TNRC18: variants seen among roughly 807,000 people sequenced by gnomAD.
The protein encoded by TNRC18 is trinucleotide repeat containing 18, also known as trinucleotide repeat-containing gene 18 protein.
Under a neutral mutation model 226.7 loss-of-function variants are expected in TNRC18, and 69 were observed. The observed-to-expected ratio is 0.30, with a 90% CI of 0.25 to 0.37. The LOEUF (loss-of-function observed/expected upper bound fraction) is 0.37. TNRC18 is among the 10% of genes least tolerant of loss of function. The pLI, the probability that TNRC18 is intolerant of heterozygous loss-of-function variation, is 1.00. For synonymous variants in TNRC18, 2,449 were observed against 1,927.6 expected (o/e 1.27, Z -7.09); for missense variants, 4,754 against 4,256.6 (o/e 1.12, Z -3.25).
intron 17 of TNRC18, 60 bp downstream of exon 17, chr7:5,351,759 A>G: frequency 1.3e-6 from 2 of 1,486,072 alleles, no homozygotes; most frequent in Non-Finnish European, 1.8e-6. Context: ...CCTCTCGCTC[A>G]CTCGCACGCA....
intron 11 of TNRC18, among the ~76,000 whole-genome samples, chr7:5,364,462 A>AAC (rs58752853): frequency 0.047 from 5,502 of 116,394 alleles, 140 homozygotes; most frequent in Middle Eastern, 0.079. Flanking sequence ...TCTCAAAGAA[A>AAC]ACACACACAC....
At position 5,308,010 on chromosome 7, in the gene TNRC18, A is replaced by G; in HGVS notation, c.*96T>C. Reference sequence around the variant, plus strand: ...TGCACACGCCTGCAGGAGCGCTCGCATGCACACAACGCACGTGGTCTCCGC... The same window carrying G: ...TGCACACGCCTGCAGGAGCGCTCGCGTGCACACAACGCACGTGGTCTCCGC... On this transcript the variant is annotated 3_prime_UTR_variant, in exon 30 of 30. Transcript: ENST00000430969. The G allele has an allele frequency of 4.2e-6, 5 of 1,189,782 alleles. No homozygotes were observed. The highest frequency in any genetic ancestry group is 5.9e-6 in the Non-Finnish European group (5 of 847,368). The allele number at this position is 1,189,782 out of a possible 1,614,324, so 73.7% of individuals were successfully genotyped here. A position where few individuals can be genotyped will look rare whatever the true frequency, so the allele number is the denominator to read the frequency against.
intron 16 of TNRC18, among the ~76,000 whole-genome samples, chr7:5,353,319 G>T (rs571761774): frequency 2.0e-5 from 3 of 152,064 alleles, no homozygotes; most frequent in Non-Finnish European, 2.9e-5. Context: ...GGCAGCTCAC[G>T]TGAGGCCAGG....
chr7:5,371,180 G>A lies in TNRC18; in HGVS notation c.3414C>T (p.Ser1138=), dbSNP rs1263339162. The A allele has an allele frequency of 6.2e-7, 1 of 1,606,686 alleles. No homozygotes were observed. Among genetic ancestry groups the A allele is most frequent in the Non-Finnish European group, 8.5e-7 (1 of 1,174,780 alleles). ...PEDKPIRLSP[S]KITEPLREGP... is the part of the protein sequence containing the mutation. ...CCTCCCGCAGCGGCTCTGTGATCTT[G>A]GAGGGGGACAAGCGGATGGGCTTGT... Residue 1138 remains serine (S), a synonymous_variant, in exon 11 of 30, where the codon TCC becomes TCT. Transcript: ENST00000430969.
chr7:5,357,240 C>T lies in TNRC18; in HGVS notation c.4870G>A (p.Glu1624Lys), dbSNP rs1325909927. 6.2e-7 allele frequency: 1 copy of T among 1,612,474 alleles called. No homozygotes were observed. The highest frequency in any genetic ancestry group is 1.7e-5 in the Admixed American group (1 of 59,778). The change falls in exon 16 of 30, where the codon GAG becomes AAG. Residue 1624 changes from glutamate (E) to lysine (K), a missense_variant. Transcript: ENST00000430969. ...IKKKKMASDQ[E>K]QLASKLDKAL... is the part of the protein sequence containing the mutation. ...TTGTCGAGCTTGCTTGCCAACTGCT[C>T]CTGGTCGCTGGCCATCTTCTTCTTC...
intron 2 of TNRC18, among the ~76,000 whole-genome samples, chr7:5,412,964 G>C (rs1233105603): frequency 6.6e-6 from 1 of 152,216 alleles, no homozygotes; most frequent in Non-Finnish European, 1.5e-5. Flanking sequence ...ACACTTGAGT[G>C]GCTCCCACCT....
chr7:5,397,322 C>A (rs956927940), intron 2 of TNRC18, among the ~76,000 whole-genome samples: 4 of 152,232 alleles, frequency 2.6e-5, no homozygotes, highest in Admixed American at 6.5e-5. Flanking sequence ...GCCAGCTCTT[C>A]CTGCCGCAGG....
intron 2 of TNRC18, among the ~76,000 whole-genome samples, chr7:5,397,527 T>A (rs937253084): frequency 6.6e-6 from 1 of 152,164 alleles, no homozygotes; most frequent in Non-Finnish European, 1.5e-5. Flanking sequence ...CCGTTCTCAG[T>A]GCCTCAGTCT....
Position 5,370,661 on chromosome 7 carries a change from T to C in TNRC18, c.3933A>G (p.Gln1311=), listed in dbSNP as rs780185995. ...TGCTGCCGAGTACAGGCACGGCCTC[T>C]TGGGGCTCCAGGCTCGGGCACTGTC... is the stretch of plus-strand genomic sequence containing the variant. ...GEGQCPSLEP[Q]EAVPVLGSTC... The change falls in exon 11 of 30, where the codon CAA becomes CAG. Residue 1311 remains glutamine, a synonymous_variant. Coordinates refer to ENST00000430969, the MANE Select transcript of TNRC18 (RefSeq NM_001080495.3). 74 of 1,612,734 alleles carry C rather than the reference T, an allele frequency of 4.6e-5. No homozygotes were observed. The highest frequency in any genetic ancestry group is 5.8e-5 in the Non-Finnish European group (68 of 1,179,758).
Position 5,394,643 on chromosome 7 carries a change from G to GCCTCCGCCCCAGC in TNRC18, c.188-49_188-48insGCTGGGGCGGAGG. 1 of 1,468,210 alleles carries GCCTCCGCCCCAGC rather than the reference G, an allele frequency of 6.8e-7. No homozygotes were observed. The highest frequency in any genetic ancestry group is 9.2e-7 in the Non-Finnish European group (1 of 1,088,726). 90.9% of individuals were successfully genotyped at this position (1,468,210 alleles called of 1,614,324 possible). A position where few individuals can be genotyped will look rare whatever the true frequency, so the allele number is the denominator to read the frequency against. On this transcript the variant is annotated intron_variant, in intron 2 of 29. Transcript: ENST00000430969. This position sits in a 1 kb window ranked among gnomAD's most constrained non-coding sequence, Gnocchi z 4.5. ...CCGTCAGGCAGACAACCAGGGAGGC[G>GCCTCCGCCCCAGC]CCGCCGCCCCAGCCCACCGCCCCGA...
chr7:5,338,105 T>A (rs1790303175), intron 18 of TNRC18, among the ~76,000 whole-genome samples: 1 of 152,230 alleles, frequency 6.6e-6, no homozygotes, highest in African/African-American at 2.4e-5. Context: ...GTTGCAAGAT[T>A]TCTGTATTTT....
chr7:5,329,682 CAAAAAAAAA>C (rs10628315), intron 19 of TNRC18, among the ~76,000 whole-genome samples: 5 of 45,756 alleles, frequency 1.1e-4, no homozygotes, highest in East Asian at 7.8e-4. Flanking sequence ...GACTCCGTCT[CAAAAAAAAA>C]AAAAAAAAAA....
intron 5 of TNRC18, among the ~76,000 whole-genome samples, chr7:5,379,454 G>T (rs1779244412): frequency 6.6e-6 from 1 of 152,104 alleles, no homozygotes; most frequent in African/African-American, 2.4e-5. Flanking sequence ...TTATCCACTT[G>T]GGTGGAGGGG....
In TNRC18 at chr7:5,389,534, A is replaced by C. The variant is rs1780133384; in HGVS notation, c.488-198T>G. On this transcript the variant is annotated intron_variant, in intron 4 of 29. Coordinates refer to ENST00000430969, the MANE Select transcript of TNRC18 (RefSeq NM_001080495.3). ...CAGTGGCGCAACCTTGGCTCACTGC[A>C]ACCTCCACCTCCTGGGTTCAAGCGA... is the stretch of plus-strand genomic sequence containing the variant. 2 of 543,486 alleles carry C rather than the reference A, an allele frequency of 3.7e-6. 1 individual carries two copies. Among genetic ancestry groups the C allele is most frequent in the South Asian group, 1.9e-4 (2 of 10,438 alleles). 33.7% of individuals were successfully genotyped at this position (543,486 alleles called of 1,614,324 possible).
intron 3 of TNRC18, among the ~76,000 whole-genome samples, chr7:5,393,019 AG>A (rs1780412565): frequency 6.6e-6 from 1 of 152,234 alleles, no homozygotes; most frequent in Admixed American, 6.5e-5. Flanking sequence ...CTCAAAAAAA[AG>A]GGCCTAACAG....
intron 2 of TNRC18, among the ~76,000 whole-genome samples, chr7:5,416,631 G>C (rs187892873): frequency 6.6e-6 from 1 of 151,866 alleles, no homozygotes; most frequent in South Asian, 2.1e-4. Context: ...CAAGGCAGGC[G>C]GATCACTTGA....
At chr7:5,354,965 G>C (rs530229916) in intron 16 of TNRC18, among the ~76,000 whole-genome samples, 1 of 152,086 alleles carries the variant, frequency 6.6e-6, no homozygotes, top group Admixed American at 6.5e-5. Flanking sequence ...CCCCTTCTCC[G>C]CCCATGAACC....
chr7:5,402,325 G>C (rs1210142848), intron 2 of TNRC18, among the ~76,000 whole-genome samples: 1 of 146,896 alleles, frequency 6.8e-6, no homozygotes, highest in East Asian at 2.1e-4. Flanking sequence ...CTTGAGGTCA[G>C]GAGTTTGAGA....
rs1787696090 is a variant in TNRC18, at chr7:5,314,973, G to A, written c.7027+11C>T. 8 of 1,603,214 alleles carry A rather than the reference G, an allele frequency of 5.0e-6. No homozygotes were observed. Among genetic ancestry groups the A allele is most frequent in the Non-Finnish European group, 6.8e-6 (8 of 1,176,238 alleles). ...GCCCACCGCCCTGCCCTGGGGACCA[G>A]GCCAACCTACCACCCTTGGCCTTGG... is the stretch of plus-strand genomic sequence containing the variant. On this transcript the variant is annotated intron_variant, in intron 26 of 29. Transcript: ENST00000430969.
Sources: gnomAD v4.1 joint callset for allele counts (sites outside exome capture counted in the v4.1 genomes callset) on GRCh38, gnomAD v4.1.1 for gene constraint, Gnocchi (gnomAD v3.1) non-coding constraint, MANE v1.5 for transcripts, NCBI Gene and HGNC (gene_info 2026-07-23, HGNC 2026-07-21) for gene names.